The following GNE variants were observed in gnomAD, a reference collection of about 807,000 sequenced individuals.
GNE encodes bifunctional UDP-N-acetylglucosamine 2-epimerase/N-acetylmannosamine kinase.
GNE carries 41 observed loss-of-function variants against 61.8 expected under a neutral mutation model. That is an observed-to-expected ratio of 0.66 (90% CI 0.52 to 0.86). GNE has a LOEUF of 0.86. GNE is among the 40% of genes least tolerant of loss of function. The pLI, the probability that GNE is intolerant of heterozygous loss-of-function variation, is 0.00. For missense variants in GNE, 608 were observed against 909.1 expected, an observed-to-expected ratio of 0.67 and a Z score of 4.26; for synonymous variants, 264 against 326.4, an observed-to-expected ratio of 0.81 and a Z score of 2.06.
chr9:36,249,096 G>C, intron 2 of GNE, 96 bp downstream of exon 2: 2 of 944,496 alleles, frequency 2.1e-6, no homozygotes, highest in South Asian at 1.3e-5. Flanking sequence ...CTAAGCAGCA[G>C]AACAGGAATT....
Position 36,234,148 on chromosome 9 carries a change from G to C in GNE, c.770-16C>G, listed in dbSNP as rs1330814792. The C allele has an allele frequency of 6.3e-7, 1 of 1,586,570 alleles. No homozygotes were observed. The highest frequency in any genetic ancestry group is 2.2e-5 in the East Asian group (1 of 44,750). On this transcript the variant is annotated splice_polypyrimidine_tract_variant and intron_variant, in intron 4 of 11. Coordinates refer to ENST00000642385, the MANE Select transcript of GNE (RefSeq NM_005476.7). The stretch of plus-strand genomic sequence containing the variant: ...TCTTTGCTCCCTATGAAAATGAAAA[G>C]AACCAATTGGTAAATGGTTTGTGAG...
chr9:36,261,640 G>A (rs547063885), upstream of GNE, among the ~76,000 whole-genome samples: 9 of 151,898 alleles, frequency 5.9e-5, no homozygotes, highest in African/African-American at 2.2e-4. Flanking sequence ...TTGAAGTCAG[G>A]TCAGGCGTGG....
At chr9:36,235,910 GT>G (rs1393911286) in intron 4 of GNE, among the ~76,000 whole-genome samples, 2 of 152,132 alleles carry the variant, frequency 1.3e-5, no homozygotes, top group African/African-American at 4.8e-5. Context: ...ATTCTTCAGT[GT>G]TAGGCTATGT....
At chr9:36,242,274 C>G (rs1829664316) in intron 3 of GNE, among the ~76,000 whole-genome samples, 1 of 142,702 alleles carries the variant, frequency 7.0e-6, no homozygotes. Context: ...TTCTTTTTCA[C>G]TGGTTTAAAG....
At position 36,272,925 on chromosome 9, in the gene GNE, A is replaced by C. The variant is rs1273883518; in HGVS notation, c.51+3969T>G. On this transcript the variant is annotated intron_variant, in intron 1 of 11. Transcript: ENST00000396594. Reference sequence around the variant, plus strand: ...CTCATCTAGTAAAAATACAAAAAAAAAAAAAAAAAAAAAGCTGGGCATGGT... The same window carrying C: ...CTCATCTAGTAAAAATACAAAAAAACAAAAAAAAAAAAAGCTGGGCATGGT... Among the ~76,000 whole-genome samples, 3 of 148,270 alleles carry C rather than the reference A, an allele frequency of 2.0e-5. No individual in the cohort carries two copies. The East Asian group carries it at 6.2e-4, about 30-fold the overall frequency.
chr9:36,255,588 G>A (rs1830297495), intron 1 of GNE, among the ~76,000 whole-genome samples: 1 of 151,780 alleles, frequency 6.6e-6, no homozygotes, highest in South Asian at 2.1e-4. Context: ...ATTGGAAAAG[G>A]ACCACTGCAC....
intron 3 of GNE, among the ~76,000 whole-genome samples, chr9:36,245,034 T>C (rs1829810841): frequency 6.6e-6 from 1 of 151,704 alleles, no homozygotes; most frequent in South Asian, 2.1e-4. Context: ...TCCCAGCACT[T>C]TGGGAGGCTG....
intron 1 of GNE, among the ~76,000 whole-genome samples, chr9:36,252,054 C>T (rs1032166030): frequency 2.0e-5 from 3 of 147,348 alleles, no homozygotes; most frequent in South Asian, 2.1e-4. Context: ...GGTGCAATCT[C>T]GGCTCACTGC....
upstream of GNE, among the ~76,000 whole-genome samples, chr9:36,259,274 A>G (rs1269796315): frequency 6.6e-6 from 1 of 152,204 alleles, no homozygotes; most frequent in East Asian, 1.9e-4. Flanking sequence ...GCATTTTAGG[A>G]AGCCAAGTGA....
At chr9:36,248,481 A>ATTTTTT (rs113051412) in intron 2 of GNE, among the ~76,000 whole-genome samples, 1 of 143,870 alleles carries the variant, frequency 7.0e-6, no homozygotes. Context: ...CAACTGGCTA[A>ATTTTTT]TTTTTTTTTT....
Position 36,217,503 on chromosome 9 carries a change from G to A in GNE, c.2031C>T (p.His677=). The part of the protein sequence containing the change: ...LSGVLASHYI[H]IVKDVIRQQA... Reference sequence around the variant, plus strand: ...GCTGGCGAATGACGTCTTTGACAATGTGGATATAGTGACTGGCCAGGACTC... The same window carrying A: ...GCTGGCGAATGACGTCTTTGACAATATGGATATAGTGACTGGCCAGGACTC... Residue 677 remains histidine (H), a synonymous_variant, in exon 12 of 12, where the codon CAC becomes CAT. Transcript: ENST00000642385. 6.2e-7 allele frequency: 1 copy of A among 1,613,940 alleles called. No individual in the cohort carries two copies. The highest frequency in any genetic ancestry group is 8.5e-7 in the Non-Finnish European group (1 of 1,179,772).
intron 1 of GNE, among the ~76,000 whole-genome samples, chr9:36,263,729 C>T (rs981705191): frequency 2.0e-5 from 3 of 152,194 alleles, no homozygotes; most frequent in African/African-American, 7.2e-5. Context: ...CTAAGCAGCA[C>T]AGTTGAATTT....
intron 1 of GNE, among the ~76,000 whole-genome samples, chr9:36,263,690 A>G (rs772747185): frequency 3.3e-5 from 5 of 152,204 alleles, no homozygotes; most frequent in Admixed American, 1.3e-4. Flanking sequence ...AATTTTTCCT[A>G]AAGTTTTTAT....
At chr9:36,247,453 T>C (rs75487542) in intron 2 of GNE, among the ~76,000 whole-genome samples, 2,469 of 152,276 alleles carry the variant, frequency 0.016, 60 homozygotes, top group African/African-American at 0.057. Context: ...CAATTTCTTG[T>C]GTTAGAATGT....
At chr9:36,265,778 C>T (rs1830756681) in intron 1 of GNE, among the ~76,000 whole-genome samples, 1 of 152,162 alleles carries the variant, frequency 6.6e-6, no homozygotes, top group African/African-American at 2.4e-5. Flanking sequence ...AAGGAGCGTT[C>T]AACCTAGGTC....
Position 36,237,000 on chromosome 9 carries a change from C to A in GNE, c.617-16G>T. The A allele has an allele frequency of 6.3e-7, 1 of 1,594,900 alleles. No individual in the cohort carries two copies. Among genetic ancestry groups the A allele is most frequent in the South Asian group, 1.1e-5 (1 of 90,620 alleles). On this transcript the variant is annotated splice_polypyrimidine_tract_variant and intron_variant, in intron 3 of 11. Coordinates refer to ENST00000642385, the MANE Select transcript of GNE (RefSeq NM_005476.7). ...ACATCATCACCTGTTTAAAGAAAAT[C>A]AAACCACATTGCTTCATTAGTTAAG... is the stretch of plus-strand genomic sequence containing the variant.
At position 36,248,956 on chromosome 9, in the gene GNE, T is replaced by C. The variant is rs187121371; in HGVS notation, c.164+236A>G. ...ATCAATCATCTACTAAGCGGCATCA[T>C]TGTGATGGATGCTCTATATCATGAT... is the stretch of plus-strand genomic sequence containing the variant. On this transcript the variant is annotated intron_variant, in intron 2 of 11. Transcript: ENST00000642385. 2.9e-4 allele frequency among the ~76,000 whole-genome samples: 44 copies of C among 152,344 alleles called. No homozygotes were observed. In the East Asian group the frequency reaches 6.7e-3, roughly 23 times the overall value.
At chr9:36,225,671 C>T (rs769997526) in intron 7 of GNE, among the ~76,000 whole-genome samples, 2 of 152,120 alleles carry the variant, frequency 1.3e-5, no homozygotes, top group Non-Finnish European at 2.9e-5. Flanking sequence ...GGCACAGTGG[C>T]ATGTGCCTGT....
intron 1 of GNE, among the ~76,000 whole-genome samples, chr9:36,249,838 C>T (rs1020040262): frequency 4.0e-5 from 6 of 151,394 alleles, no homozygotes; most frequent in South Asian, 2.1e-4. Context: ...GAGCTGAGAT[C>T]GCACCACCAC....
Sources: allele counts gnomAD v4.1 joint callset (sites outside exome capture counted in the v4.1 genomes callset), GRCh38; gene constraint gnomAD v4.1.1; transcripts MANE v1.5; gene names NCBI Gene and HGNC (gene_info 2026-07-23, HGNC 2026-07-21).